Variants in SEC23A observed in about 807,000 individuals in gnomAD.
SEC23A encodes protein transport protein Sec23A.
In SEC23A, 56 loss-of-function variants were observed where a neutral mutation model predicts 103.7. That is an observed-to-expected ratio of 0.54 (90% CI 0.44 to 0.67). The LOEUF is 0.67. Among genes scored for constraint, SEC23A ranks in the 30% least tolerant of loss-of-function variants. The pLI, the probability that SEC23A is intolerant of heterozygous loss-of-function variation, is 0.00. For synonymous variants in SEC23A, 281 were observed against 293.0 expected, an observed-to-expected ratio of 0.96 and a Z score of 0.42; for missense variants, 784 against 936.4, an observed-to-expected ratio of 0.84 and a Z score of 2.12.
rs537527269 is a variant in SEC23A, at chr14:39,048,581, C to T, written c.1737+71G>A. ...AGCCACTATACTTCAGCATGGATGA[C>T]ATAGGGAGAGCCTGTCTCTAAAAAA... On this transcript the variant is annotated intron_variant, in intron 15 of 19. Coordinates refer to ENST00000307712, the MANE Select transcript of SEC23A (RefSeq NM_006364.4). The T allele has an allele frequency of 6.8e-5, 65 of 950,606 alleles. 1 individual carries two copies. The highest frequency in any genetic ancestry group is 5.6e-4 in the South Asian group (42 of 74,828). 58.9% of individuals were successfully genotyped at this position (950,606 alleles called of 1,614,324 possible).
chr14:39,041,184 T>C (rs1191459567), intron 17 of SEC23A: 4 of 236,414 alleles, frequency 1.7e-5, no homozygotes, highest in Non-Finnish European at 3.3e-5. Context: ...CCTAAGCTTA[T>C]GATACGTGAA....
rs1021046827 is a variant in SEC23A, at chr14:39,073,711, G to T, written c.1103+704C>A. Among the ~76,000 whole-genome samples, 12 of 142,082 alleles carry T rather than the reference G, an allele frequency of 8.4e-5. No individual in the cohort carries two copies. In the Admixed American group the frequency reaches 9.0e-4, roughly 11 times the overall value. 93.2% of individuals were successfully genotyped at this position (142,082 alleles called of 152,430 possible). A position where few individuals can be genotyped will look rare whatever the true frequency, so the allele number is the denominator to read the frequency against. On this transcript the variant is annotated intron_variant, in intron 9 of 19. Transcript: ENST00000307712. ...TGCAACCTCTGCCACCCGGGTTCAA[G>T]CAATTCTCCTGCCTCAGCCTACCGA...
chr14:39,064,633 G>A (rs1192934617), intron 11 of SEC23A: 1 of 401,902 alleles, frequency 2.5e-6, no homozygotes, highest in Admixed American at 3.6e-5. Context: ...ACCAATGGGA[G>A]CTGAACTACC....
At chr14:39,091,016 C>A (rs1332549072) in intron 5 of SEC23A, 3 of 380,762 alleles carry the variant, frequency 7.9e-6, no homozygotes, top group Non-Finnish European at 1.5e-5. Flanking sequence ...ACCACTGCTG[C>A]CCCAGCTGAG....
intron 1 of SEC23A, among the ~76,000 whole-genome samples, chr14:39,102,161 G>A (rs1888124053): frequency 6.6e-6 from 1 of 152,064 alleles, no homozygotes; most frequent in South Asian, 2.1e-4. Flanking sequence ...GAACCAGGGA[G>A]GCGGAGGTTG....
intron 19 of SEC23A, among the ~76,000 whole-genome samples, chr14:39,033,647 A>ATCAGGATGGCGGCT (rs1432880988): frequency 6.6e-6 from 1 of 152,122 alleles, no homozygotes. Flanking sequence ...TTTTAAAAGA[A>ATCAGGATGGCGGCT]AGCCTGACCT....
At chr14:39,089,472 TTCCTGTGCTCCTGAA>T (rs1887584144) in intron 5 of SEC23A, among the ~76,000 whole-genome samples, 1 of 94,142 alleles carries the variant, frequency 1.1e-5, no homozygotes, top group Non-Finnish European at 2.9e-5. Flanking sequence ...GGTACTCCGC[TTCCTGTGCTCCTGAA>T]GGAATCCCTA....
At chr14:39,082,205 A>G (rs962502479) in intron 7 of SEC23A, among the ~76,000 whole-genome samples, 4 of 151,990 alleles carry the variant, frequency 2.6e-5, no homozygotes, top group Non-Finnish European at 5.9e-5. Context: ...TAAGAATGTA[A>G]GAATACACCC....
At chr14:39,070,453 T>A (rs374196825) in intron 9 of SEC23A, among the ~76,000 whole-genome samples, 4 of 152,094 alleles carry the variant, frequency 2.6e-5, no homozygotes, top group African/African-American at 7.2e-5. Context: ...TGAAGACAGA[T>A]GCAAAAATCC....
chr14:39,038,139 A>G (rs2139180732), intron 19 of SEC23A, among the ~76,000 whole-genome samples: 1 of 152,322 alleles, frequency 6.6e-6, no homozygotes, highest in African/African-American at 2.4e-5. Flanking sequence ...CTCTGCATGT[A>G]GTCTTTTATC....
At chr14:39,065,635 G>T (rs1238639393) in intron 10 of SEC23A, among the ~76,000 whole-genome samples, 1 of 152,080 alleles carries the variant, frequency 6.6e-6, no homozygotes, top group Non-Finnish European at 1.5e-5. Context: ...ATACAATGCT[G>T]ATTCTCACCT....
intron 3 of SEC23A, 152 bp from the exon 4 acceptor site, chr14:39,092,779 T>C (rs1887704949): frequency 5.0e-6 from 3 of 605,616 alleles, no homozygotes; most frequent in East Asian, 2.9e-5. Context: ...TTTTTAAATA[T>C]GCATTTTTCT....
intron 5 of SEC23A, chr14:39,087,725 T>C (rs1413635725): frequency 1.3e-5 from 2 of 152,290 alleles, no homozygotes. Flanking sequence ...AACTGAAGTC[T>C]AAAGATGTAC....
chr14:39,099,886 G>A (rs959024058), intron 1 of SEC23A, among the ~76,000 whole-genome samples: 7 of 151,098 alleles, frequency 4.6e-5, no homozygotes, highest in African/African-American at 1.5e-4. Flanking sequence ...TTTCTCTTTG[G>A]ATACTCAATA....
chr14:39,063,263 A>G (rs1057362316), intron 12 of SEC23A, 61 bp downstream of exon 12: 2 of 989,864 alleles, frequency 2.0e-6, no homozygotes, highest in African/African-American at 3.2e-5. Context: ...TCATGGCCTA[A>G]AGTAAGTACT....
chr14:39,098,859 T>C (rs1376155439), intron 1 of SEC23A, among the ~76,000 whole-genome samples: 1 of 150,520 alleles, frequency 6.6e-6, no homozygotes, highest in Non-Finnish European at 1.5e-5. Flanking sequence ...AGAAATCCAG[T>C]GTTATTAAGA....
At chr14:39,091,088 G>A in intron 5 of SEC23A, 1 of 409,520 alleles carries the variant, frequency 2.4e-6, no homozygotes, top group Non-Finnish European at 4.6e-6. Context: ...ATGGACTTTG[G>A]TCTTTTTGAC....
At chr14:39,038,162 A>G (rs1317273798) in intron 19 of SEC23A, among the ~76,000 whole-genome samples, 1 of 152,184 alleles carries the variant, frequency 6.6e-6, no homozygotes, top group East Asian at 1.9e-4. Flanking sequence ...AGCCCATACT[A>G]TTCTCTACCT....
intron 9 of SEC23A, 99 bp downstream of exon 9, chr14:39,074,316 G>A: frequency 1.2e-6 from 1 of 800,164 alleles, no homozygotes; most frequent in Non-Finnish European, 2.2e-6. Context: ...GAAGTAGTGG[G>A]AAGATGACAC....
Sources: allele counts gnomAD v4.1 joint callset (sites outside exome capture counted in the v4.1 genomes callset), GRCh38; gene constraint gnomAD v4.1.1; transcripts MANE v1.5; gene names NCBI Gene and HGNC (gene_info 2026-07-23, HGNC 2026-07-21).